Variants in CFAP65 observed in about 807,000 individuals in gnomAD.
CFAP65 encodes the protein cilia- and flagella-associated protein 65.
Under a neutral mutation model 208.0 loss-of-function variants are expected in CFAP65, and 155 were observed. The observed-to-expected ratio is 0.75, with a 90% CI of 0.65 to 0.85. The LOEUF (loss-of-function observed/expected upper bound fraction) is 0.85, where lower values mean the gene tolerates loss of function less well. Among genes scored for constraint, CFAP65 ranks in the 40% least tolerant of loss-of-function variants. The pLI is 0.00. For missense variants in CFAP65, 2,294 were observed against 2,451.3 expected, an observed-to-expected ratio of 0.94 and a Z score of 1.36; for synonymous variants, 970 against 986.3, an observed-to-expected ratio of 0.98 and a Z score of 0.31.
intron 13 of CFAP65, among the ~76,000 whole-genome samples, 198 bp from the exon 14 acceptor site, chr2:219,026,357 A>G (rs1029153911): frequency 6.6e-6 from 1 of 152,146 alleles, no homozygotes; most frequent in African/African-American, 2.4e-5. Context: ...CTGCATCCAT[A>G]TAGCAATGCT....
chr2:219,031,722 C>T lies in CFAP65; in HGVS notation c.646-64G>A. 3 of 1,537,496 alleles carry T rather than the reference C, an allele frequency of 2.0e-6. No individual in the cohort carries two copies. The highest frequency in any genetic ancestry group is 2.5e-5 in the South Asian group (2 of 78,864). On this transcript the variant is annotated intron_variant, in intron 6 of 34. Coordinates refer to ENST00000341552, the MANE Select transcript of CFAP65 (RefSeq NM_194302.4). This position sits in a 1 kb window ranked among gnomAD's most constrained non-coding sequence, Gnocchi z 5.2. Reference sequence around the variant, plus strand: ...TGGCATTCAGGGACTGCACATCCCGCCCACCCTCAGCCACCCCCAACACAA... The same window carrying T: ...TGGCATTCAGGGACTGCACATCCCGTCCACCCTCAGCCACCCCCAACACAA...
chr2:219,032,262 C>G lies in CFAP65; in HGVS notation c.645+208G>C, dbSNP rs908975617. Among the ~76,000 whole-genome samples the G allele has an allele frequency of 5.3e-5, 8 of 152,162 alleles. No homozygotes were observed. The highest frequency in any genetic ancestry group is 8.8e-5 in the Non-Finnish European group (6 of 68,034). On this transcript the variant is annotated intron_variant, in intron 6 of 34. Coordinates refer to ENST00000341552, the MANE Select transcript of CFAP65 (RefSeq NM_194302.4). This position sits in a 1 kb window ranked among gnomAD's most constrained non-coding sequence, Gnocchi z 5.5. Reference sequence around the variant, plus strand: ...TCTGATGGCCAATATAATATCGCAGCCTTTACCCCCAGCATCTCCTGGGGA... The same window carrying G: ...TCTGATGGCCAATATAATATCGCAGGCTTTACCCCCAGCATCTCCTGGGGA...
Position 219,021,229 on chromosome 2 carries a change from G to C in CFAP65, c.3182C>G (p.Thr1061Ser), listed in dbSNP as rs769808927. Residue 1061 changes from threonine (T) to serine (S), a missense_variant, in exon 19 of 35, where the codon ACC becomes AGC. Thr to Ser is a moderately conservative substitution (Grantham distance 58). This residue lies in a region of CFAP65 where 1,427 missense variants were observed against 1,438.7 expected (regional missense o/e 0.99). Transcript: ENST00000341552. ...EGSMPPRSQD[T>S]ICLTACPKQR... ...CTTGGGACAGGCAGTCAGGCAGATG[G>C]TGTCCTGGGACCGGGGTGGCATGCT... 5 of 1,608,686 alleles carry C rather than the reference G, an allele frequency of 3.1e-6. No homozygotes were observed. The highest frequency in any genetic ancestry group is 4.2e-6 in the Non-Finnish European group (5 of 1,177,250).
intron 16 of CFAP65, among the ~76,000 whole-genome samples, chr2:219,022,828 T>G (rs1049419320): frequency 1.3e-5 from 2 of 152,206 alleles, no homozygotes; most frequent in African/African-American, 4.8e-5. Flanking sequence ...GTCTCCTTCC[T>G]CACCCTCACT....
At chr2:219,010,325 AG>A (rs1946386350) in intron 26 of CFAP65, among the ~76,000 whole-genome samples, 1 of 152,136 alleles carries the variant, frequency 6.6e-6, no homozygotes, top group Non-Finnish European at 1.5e-5. Flanking sequence ...CGGCTTGAGC[AG>A]GAACACCTGT....
At chr2:219,019,222 CAGGG>C in intron 20 of CFAP65, 43 bp from the exon 21 acceptor site, 1 of 1,562,110 alleles carries the variant, frequency 6.4e-7, no homozygotes, top group Non-Finnish European at 8.7e-7. Flanking sequence ...GGGATGGGGC[CAGGG>C]CAGGGCCCTC....
intron 21 of CFAP65, among the ~76,000 whole-genome samples, chr2:219,017,737 A>C (rs970345621): frequency 6.6e-6 from 1 of 152,192 alleles, no homozygotes; most frequent in Non-Finnish European, 1.5e-5. Flanking sequence ...CGCGCAGTCC[A>C]TGCCAGGACA....
intron 24 of CFAP65, among the ~76,000 whole-genome samples, chr2:219,011,650 G>A (rs1302491234): frequency 6.6e-6 from 1 of 152,160 alleles, no homozygotes; most frequent in Non-Finnish European, 1.5e-5. Flanking sequence ...AACTCCAAAG[G>A]TTGGGAATCA....
intron 15 of CFAP65, among the ~76,000 whole-genome samples, chr2:219,023,797 G>C (rs1947431333): frequency 6.6e-6 from 1 of 152,180 alleles, no homozygotes; most frequent in Non-Finnish European, 1.5e-5. Context: ...CTCTTTCTTG[G>C]CCTCAGACCC....
At chr2:219,035,170 G>T in intron 5 of CFAP65, 1 of 671,002 alleles carries the variant, frequency 1.5e-6, no homozygotes, top group Non-Finnish European at 2.4e-6. Context: ...GTATTCCCCA[G>T]AAAAACTCTT....
chr2:219,013,181 C>T (rs1946600340), intron 24 of CFAP65, 78 bp downstream of exon 24: 3 of 1,002,676 alleles, frequency 3.0e-6, no homozygotes, highest in Non-Finnish European at 4.7e-6. Context: ...TCTTTGTCAC[C>T]CTCTCAAGGG....
intron 21 of CFAP65, chr2:219,014,845 A>AGGGG (rs1946745632): frequency 6.6e-6 from 1 of 151,444 alleles, no homozygotes; most frequent in African/African-American, 2.5e-5. Flanking sequence ...CACACACCTG[A>AGGGG]AAGTGCGCAA....
chr2:219,003,320 G>A lies in CFAP65; in HGVS notation c.5556-48C>T, dbSNP rs1325453803. The A allele has an allele frequency of 2.0e-6, 3 of 1,478,570 alleles. No individual in the cohort carries two copies. Among genetic ancestry groups the A allele is most frequent in the Non-Finnish European group, 2.7e-6 (3 of 1,113,584 alleles). The allele number at this position is 1,478,570 out of a possible 1,614,324, so 91.6% of individuals were successfully genotyped here. ...ATGAGGGCGGCCGCAGTGCCCGCGC[G>A]CCTCCTCGCTCGCCTGTCCGTGCGG... On this transcript the variant is annotated intron_variant, in intron 33 of 34. Coordinates refer to ENST00000341552, the MANE Select transcript of CFAP65 (RefSeq NM_194302.4). This position sits in a 1 kb window ranked among gnomAD's most constrained non-coding sequence, Gnocchi z 4.4.
chr2:219,023,895 TG>T, intron 15 of CFAP65, 119 bp downstream of exon 15: 2 of 1,236,558 alleles, frequency 1.6e-6, no homozygotes, highest in Non-Finnish European at 2.3e-6. Flanking sequence ...TGCTACTTCC[TG>T]GAGGAGAAGT....
In CFAP65 at chr2:219,019,055, C is replaced by T. The variant is rs1947095951; in HGVS notation, c.3598G>A (p.Asp1200Asn). 1.9e-6 allele frequency: 3 copies of T among 1,614,216 alleles called. No individual in the cohort carries two copies. The highest frequency in any genetic ancestry group is 2.5e-6 in the Non-Finnish European group (3 of 1,180,040). The change falls in exon 21 of 35, where the codon GAC becomes AAC. Residue 1200 changes from aspartate (D) to asparagine (N), a missense_variant. Asp to Asn is a conservative substitution (Grantham distance 23, BLOSUM62 1). Transcript: ENST00000341552. ...ALKNSGVVSL[D>N]WAFLLPSDQR... ...GTGGCCCCCTTCAAGCCATACCAGTCCAGGGACACCACTCCGCTGTTCTTC... is the reference window on the plus strand; with the variant it reads ...GTGGCCCCCTTCAAGCCATACCAGTTCAGGGACACCACTCCGCTGTTCTTC...
Position 219,019,617 on chromosome 2 carries a change from C to T in CFAP65, c.3362G>A (p.Gly1121Asp), listed in dbSNP as rs757848765. ...LDVSSMGSAEGITRKHLWRLF... is the reference protein window; with the variant it reads ...LDVSSMGSAEDITRKHLWRLF... ...GCGCCACAGGTGCTTCCGGGTGATA[C>T]CCTCAGCACTGCCCATGGAGCTGAC... Residue 1121 changes from glycine (G) to aspartate (D), a missense_variant, in exon 20 of 35, where the codon GGT (glycine) becomes GAT (aspartate). Around this residue, in one of 2 missense-constraint regions of CFAP65, gnomAD observed 1,427 missense variants for 1,438.7 expected, o/e 0.99. Transcript: ENST00000341552. 1 of 1,613,836 alleles carries T rather than the reference C, an allele frequency of 6.2e-7. No individual in the cohort carries two copies. Among genetic ancestry groups the T allele is most frequent in the East Asian group, 2.2e-5 (1 of 44,884 alleles).
chr2:219,021,260 C>A lies in CFAP65; in HGVS notation c.3151G>T (p.Glu1051Ter). The stretch of plus-strand genomic sequence containing the variant: ...TGGGACCGGGGTGGCATGCTCCCCT[C>A]TGTTCGGTCCAGCTGCAGAGCTGCT... Reference protein sequence around the residue: ...HPLALQLDRTEGSMPPRSQDT... With the variant: ...HPLALQLDRT Residue 1051 changes from glutamate (E) to a stop codon, truncating the protein, a stop_gained, in exon 19 of 35, where the codon GAG becomes TAG. Coordinates refer to ENST00000341552, the MANE Select transcript of CFAP65 (RefSeq NM_194302.4). LOFTEE classifies it high-confidence loss of function. The A allele has an allele frequency of 6.2e-7, 1 of 1,601,342 alleles. No homozygotes were observed. Among genetic ancestry groups the A allele is most frequent in the South Asian group, 1.1e-5 (1 of 88,368 alleles).
At chr2:219,005,645 A>G (rs565601650) in intron 31 of CFAP65, 83 bp from the exon 32 acceptor site, 3 of 1,533,204 alleles carry the variant, frequency 2.0e-6, no homozygotes, top group Admixed American at 3.4e-5. Flanking sequence ...GTAGCTGCCC[A>G]GTGATGAGGA....
chr2:219,017,947 C>T (rs1947015553), intron 21 of CFAP65, among the ~76,000 whole-genome samples: 1 of 152,220 alleles, frequency 6.6e-6, no homozygotes, highest in African/African-American at 2.4e-5. Context: ...AGTTCTGGCC[C>T]TTCTCAGACA....
Sources: gnomAD v4.1 joint callset for allele counts (sites outside exome capture counted in the v4.1 genomes callset) on GRCh38, gnomAD v4.1.1 for gene constraint, gnomAD v4.1.1 regional missense constraint, Gnocchi (gnomAD v3.1) non-coding constraint, MANE v1.5 for transcripts, NCBI Gene and HGNC (gene_info 2026-07-23, HGNC 2026-07-21) for gene names.